ROBO1: variants seen among roughly 807,000 people sequenced by gnomAD.
ROBO1 encodes the protein roundabout homolog 1.
Under a neutral mutation model 195.9 loss-of-function variants are expected in ROBO1, and 149 were observed. The observed-to-expected ratio is 0.76, with a 90% CI of 0.67 to 0.87. The LOEUF (loss-of-function observed/expected upper bound fraction) is 0.87. Among genes scored for constraint, ROBO1 ranks in the 40% least tolerant of loss-of-function variants. ROBO1 has a pLI of 0.00. For missense variants in ROBO1, 1,933 were observed against 2,068.3 expected (o/e 0.93, Z 1.27); for synonymous variants, 816 against 733.2 (o/e 1.11, Z -1.82).
chr3:78,692,639 C>T lies in ROBO1; in HGVS notation c.1046-3867G>A, dbSNP rs965003788. On this transcript the variant is annotated intron_variant, in intron 8 of 30. Transcript: ENST00000464233. The stretch of plus-strand genomic sequence containing the variant: ...AGGGACAAAGTTATTCTCTGGCATG[C>T]CCGTTTGCATATTCATGTACAATTA... 3.9e-5 allele frequency among the ~76,000 whole-genome samples: 6 copies of T among 152,148 alleles called. No homozygotes were observed. In the East Asian group the frequency reaches 5.8e-4, roughly 15 times the overall value.
chr3:79,607,902 T>C (rs1944539783), intron 1 of ROBO1, among the ~76,000 whole-genome samples: 1 of 152,000 alleles, frequency 6.6e-6, no homozygotes, highest in Non-Finnish European at 1.5e-5. Flanking sequence ...TGTTGAATAT[T>C]TGCAGTCATT....
At chr3:79,703,987 T>C (rs1394595014) in intron 1 of ROBO1, among the ~76,000 whole-genome samples, 1 of 151,972 alleles carries the variant, frequency 6.6e-6, no homozygotes, top group African/African-American at 2.4e-5. Context: ...ACACCTACAG[T>C]CATAATATGA....
chr3:79,465,197 G>A (rs1937894192), intron 2 of ROBO1, among the ~76,000 whole-genome samples: 1 of 151,940 alleles, frequency 6.6e-6, no homozygotes, highest in Non-Finnish European at 1.5e-5. Context: ...ATCTTTATCT[G>A]TTCATAGATG....
rs548060852 is a variant in ROBO1 at position 78,879,901 on chromosome 3, T to C, written c.499+58700A>G. ...AAAGTCTGCAACACTGTAGGGACCA[T>C]TGTTTCCTAGATTTGATACCAATAA... On this transcript the variant is annotated intron_variant, in intron 4 of 30. Transcript: ENST00000464233. Among the ~76,000 whole-genome samples, 7 of 152,254 alleles carry C rather than the reference T, an allele frequency of 4.6e-5. No individual in the cohort carries two copies. The South Asian group carries it at 1.2e-3, about 27-fold the overall frequency.
At chr3:78,919,765 A>G (rs1576400632) in intron 4 of ROBO1, among the ~76,000 whole-genome samples, 1 of 152,270 alleles carries the variant, frequency 6.6e-6, no homozygotes, top group East Asian at 1.9e-4. Flanking sequence ...AATAAAGGAC[A>G]ATAAAGGCAA....
chr3:79,517,264 A>G (rs1358690699), intron 2 of ROBO1, among the ~76,000 whole-genome samples: 2 of 152,210 alleles, frequency 1.3e-5, no homozygotes, highest in Non-Finnish European at 2.9e-5. Context: ...TAATGCTTCA[A>G]GTTACCAATA....
intron 3 of ROBO1, among the ~76,000 whole-genome samples, chr3:79,062,349 C>T (rs952745317): frequency 6.6e-6 from 1 of 152,020 alleles, no homozygotes; most frequent in African/African-American, 2.4e-5. Flanking sequence ...CAGGAAACAA[C>T]AAATGATGGA....
chr3:78,902,391 C>CT (rs2037641399), intron 4 of ROBO1, among the ~76,000 whole-genome samples: 1 of 151,984 alleles, frequency 6.6e-6, no homozygotes, highest in South Asian at 2.1e-4. Context: ...TAGGTGACAG[C>CT]TTTTTTTAAT....
At chr3:78,868,058 T>C (rs1430536490) in intron 4 of ROBO1, among the ~76,000 whole-genome samples, 1 of 152,178 alleles carries the variant, frequency 6.6e-6, no homozygotes, top group Non-Finnish European at 1.5e-5. Context: ...AGAAAGATTA[T>C]TCTGTTCAAT....
At chr3:79,250,367 C>T (rs968114285) in intron 2 of ROBO1, among the ~76,000 whole-genome samples, 3 of 152,122 alleles carry the variant, frequency 2.0e-5, no homozygotes, top group Admixed American at 2.0e-4. Flanking sequence ...TTCTGCTGGA[C>T]AAAGCAGCCA....
chr3:79,299,606 A>G (rs1456415929), intron 2 of ROBO1, among the ~76,000 whole-genome samples: 1 of 152,202 alleles, frequency 6.6e-6, no homozygotes, highest in Non-Finnish European at 1.5e-5. Flanking sequence ...GTGTTTGCCA[A>G]TAATATATTC....
intron 2 of ROBO1, among the ~76,000 whole-genome samples, chr3:79,262,809 T>C (rs1423109360): frequency 6.6e-6 from 1 of 152,036 alleles, no homozygotes; most frequent in Non-Finnish European, 1.5e-5. Context: ...GTTTGCCAAA[T>C]TGGGAATTCC....
At chr3:79,385,541 A>G (rs1241661548) in intron 2 of ROBO1, among the ~76,000 whole-genome samples, 2 of 152,128 alleles carry the variant, frequency 1.3e-5, no homozygotes, top group African/African-American at 2.4e-5. Context: ...AGCTAATCCT[A>G]AAGGCGACAT....
intron 2 of ROBO1, among the ~76,000 whole-genome samples, chr3:79,512,645 T>C (rs143796550): frequency 6.6e-6 from 1 of 152,250 alleles, no homozygotes; most frequent in East Asian, 1.9e-4. Context: ...CACATAGACT[T>C]TAATTACCAT....
Position 79,589,805 on chromosome 3 carries a change from A to G in ROBO1, c.88+19T>C, listed in dbSNP as rs1429157356. On this transcript the variant is annotated intron_variant, in intron 2 of 30. Coordinates refer to ENST00000464233, the MANE Select transcript of ROBO1 (RefSeq NM_002941.4). ...GGAATACTGGTTAAGTATTGATGAA[A>G]CAAATGCACAGCACTTACCTGGAAT... 3 of 1,593,286 alleles carry G rather than the reference A, an allele frequency of 1.9e-6. No homozygotes were observed.
At chr3:79,747,354 T>C (rs1321028506) in intron 1 of ROBO1, among the ~76,000 whole-genome samples, 5 of 152,086 alleles carry the variant, frequency 3.3e-5, no homozygotes, top group Non-Finnish European at 5.9e-5. Flanking sequence ...TGTGTGTATA[T>C]ATGTACATAC....
chr3:78,601,569 T>A (rs1703174452), intron 29 of ROBO1, among the ~76,000 whole-genome samples: 1 of 152,182 alleles, frequency 6.6e-6, no homozygotes. Flanking sequence ...TGACTTTAGT[T>A]TTCTCAAACT....
chr3:78,658,915 T>C (rs1462879693), intron 17 of ROBO1, among the ~76,000 whole-genome samples: 1 of 152,134 alleles, frequency 6.6e-6, no homozygotes, highest in African/African-American at 2.4e-5. Context: ...CTGAAAGGCA[T>C]TTTATTATTT....
intron 3 of ROBO1, chr3:79,018,338 T>C: frequency 6.3e-7 from 1 of 1,587,168 alleles, no homozygotes; most frequent in Non-Finnish European, 8.6e-7. Context: ...ACTTCTGGGT[T>C]TGATCGTGCA....
Sources: gnomAD v4.1 joint callset for allele counts (sites outside exome capture counted in the v4.1 genomes callset) on GRCh38, gnomAD v4.1.1 for gene constraint, MANE v1.5 for transcripts, NCBI Gene and HGNC (gene_info 2026-07-23, HGNC 2026-07-21) for gene names.